Variants in TCF3 observed in about 807,000 individuals in gnomAD.
TCF3 encodes the protein transcription factor E2-alpha.
Under a neutral mutation model 72.3 loss-of-function variants are expected in TCF3, and 54 were observed. The ratio of observed to expected loss-of-function variants is 0.75; its 90% CI spans 0.60 to 0.94. The LOEUF (loss-of-function observed/expected upper bound fraction) is 0.94. Ranked by LOEUF, TCF3 falls within the 40% of genes least tolerant of loss-of-function variation. The pLI is 0.00. For synonymous variants in TCF3, 525 were observed against 412.6 expected (o/e 1.27, Z -3.30); for missense variants, 1,078 against 934.4 (o/e 1.15, Z -2.00).
chr19:1,634,253 A>G (rs1284176539), intron 3 of TCF3, among the ~76,000 whole-genome samples: 2 of 152,212 alleles, frequency 1.3e-5, no homozygotes, highest in Non-Finnish European at 2.9e-5. Flanking sequence ...ATAACCCACC[A>G]TGAATATTCA....
Position 1,615,131 on chromosome 19 carries a change from C to A in TCF3, c.1822+154G>T, listed in dbSNP as rs879629865. On this transcript the variant is annotated intron_variant, in intron 18 of 18. Coordinates refer to ENST00000262965, the MANE Select transcript of TCF3 (RefSeq NM_003200.5). This position sits in a 1 kb window ranked among gnomAD's most constrained non-coding sequence, Gnocchi z 7.3. ...TCAGGAGTGGACAGTCATGGCAATGCGGTCAGAGGGGTGAAGGGCACAGTC... is the reference window on the plus strand; with the variant it reads ...TCAGGAGTGGACAGTCATGGCAATGAGGTCAGAGGGGTGAAGGGCACAGTC... 6.6e-6 allele frequency among the ~76,000 whole-genome samples: 1 copy of A among 152,042 alleles called. No individual in the cohort carries two copies. Among genetic ancestry groups the A allele is most frequent in the Non-Finnish European group, 1.5e-5 (1 of 67,998 alleles).
intron 3 of TCF3, 106 bp downstream of exon 3, chr19:1,646,249 A>C: frequency 8.1e-7 from 1 of 1,241,014 alleles, no homozygotes; most frequent in Admixed American, 2.2e-5. Context: ...CCCTTTCCCC[A>C]TTGTCTCCCT....
chr19:1,612,053 G>C (rs1361929454), intron 18 of TCF3, among the ~76,000 whole-genome samples: 1 of 152,088 alleles, frequency 6.6e-6, no homozygotes, highest in Non-Finnish European at 1.5e-5. Flanking sequence ...GTGGGTATCA[G>C]GGGGTGTCTG....
intron 8 of TCF3, among the ~76,000 whole-genome samples, chr19:1,623,381 GCT>G (rs2062489143): frequency 6.9e-6 from 1 of 144,842 alleles, no homozygotes; most frequent in Non-Finnish European, 1.5e-5. Flanking sequence ...GGCACCCCCC[GCT>G]TTTTTTTTTT....
At chr19:1,641,711 C>T (rs2065269038) in intron 3 of TCF3, among the ~76,000 whole-genome samples, 1 of 152,116 alleles carries the variant, frequency 6.6e-6, no homozygotes, top group Non-Finnish European at 1.5e-5. Flanking sequence ...CCCTGGCTTC[C>T]CAAAATGCTG....
intron 5 of TCF3, among the ~76,000 whole-genome samples, chr19:1,629,896 T>C (rs985746103): frequency 6.6e-6 from 1 of 152,074 alleles, no homozygotes; most frequent in Non-Finnish European, 1.5e-5. Flanking sequence ...CGGGGGGACA[T>C]GGGGAAGATG....
rs374199541 is a variant in TCF3, at chr19:1,619,173, G to A, written c.1388C>T (p.Ala463Val). 67 of 1,600,296 alleles carry A rather than the reference G, an allele frequency of 4.2e-5. No homozygotes were observed. Among genetic ancestry groups the A allele is most frequent in the South Asian group, 2.7e-4 (25 of 91,044 alleles). ...GGTGCCTGGCTGGCTGGGGAGGGCC[G>A]CGTGGTTGTGCATGAGGCTGGTGCT... ...AGSTSLMHNH[A>V]ALPSQPGTLP... is the part of the protein sequence containing the mutation. Residue 463 changes from alanine (A) to valine (V), a missense_variant, in exon 16 of 19, where the codon GCG becomes GTG. Physicochemically the swap from Ala to Val is moderately conservative, Grantham distance 64. Transcript: ENST00000262965.
At chr19:1,623,754 C>G (rs2062545248) in intron 8 of TCF3, among the ~76,000 whole-genome samples, 197 bp downstream of exon 8, 1 of 152,172 alleles carries the variant, frequency 6.6e-6, no homozygotes. Context: ...CAGACAGAGG[C>G]TGGACCTAGG....
rs2146137895 is a variant in TCF3 at position 1,622,220 on chromosome 19, C to A, written c.656G>T (p.Gly219Val). 6.5e-7 allele frequency: 1 copy of A among 1,546,874 alleles called. No individual in the cohort carries two copies. Among genetic ancestry groups the A allele is most frequent in the Non-Finnish European group, 8.7e-7 (1 of 1,147,322 alleles). The change falls in exon 10 of 19, where the codon GGC (glycine) becomes GTC (valine). Residue 219 changes from glycine (G) to valine (V), a missense_variant. Coordinates refer to ENST00000262965, the MANE Select transcript of TCF3 (RefSeq NM_003200.5). ...TYPAPFYVAD[G>V]SLHPSAELWS... ...GAGCTCGGCTGAGGGGTGCAGGCTG[C>A]CATCTGTGGAGGGGAGCTGGTAAGG... is the stretch of plus-strand genomic sequence containing the variant.
In TCF3 at chr19:1,620,959, C is replaced by T. The variant is rs1449961410; in HGVS notation, c.1093+9G>A. On this transcript the variant is annotated intron_variant, in intron 13 of 18. Coordinates refer to ENST00000262965, the MANE Select transcript of TCF3 (RefSeq NM_003200.5). ...CTCAGCCTCCCCTCCCCCCAAAACC[C>T]TCACAGACCTGCCAGGCCCTGGGGG... 11 of 1,487,248 alleles carry T rather than the reference C, an allele frequency of 7.4e-6. No individual in the cohort carries two copies. Among genetic ancestry groups the T allele is most frequent in the Non-Finnish European group, 5.4e-6 (6 of 1,120,448 alleles). 92.1% of individuals were successfully genotyped at this position (1,487,248 alleles called of 1,614,324 possible).
chr19:1,620,925 C>T (rs1465122068), intron 13 of TCF3, 43 bp downstream of exon 13: 14 of 1,437,928 alleles, frequency 9.7e-6, no homozygotes, highest in Admixed American at 3.1e-5. Context: ...CCCCCAAACC[C>T]TCACAGACCT....
intron 2 of TCF3, among the ~76,000 whole-genome samples, chr19:1,647,967 G>A (rs771916052): frequency 5.9e-5 from 9 of 152,104 alleles, no homozygotes; most frequent in South Asian, 2.1e-4. Flanking sequence ...CAACAGCCTC[G>A]GTCCTAGGGA....
intron 14 of TCF3, 130 bp downstream of exon 14, chr19:1,619,650 G>T: frequency 8.0e-7 from 1 of 1,256,410 alleles, no homozygotes; most frequent in South Asian, 1.4e-5. Flanking sequence ...TGCCTTGGCG[G>T]CCACGAGGCC....
At chr19:1,643,609 G>C (rs139476530) in intron 3 of TCF3, among the ~76,000 whole-genome samples, 1 of 151,950 alleles carries the variant, frequency 6.6e-6, no homozygotes, top group Non-Finnish European at 1.5e-5. Context: ...TTGACCTCCT[G>C]GCCTCAAGCG....
chr19:1,612,108 AC>A, intron 18 of TCF3: 1 of 1,261,706 alleles, frequency 7.9e-7, no homozygotes, highest in Non-Finnish European at 1.1e-6. Flanking sequence ...ACAGACATGG[AC>A]AGAGTCCGGG....
chr19:1,625,490 G>T, intron 7 of TCF3, 86 bp downstream of exon 7: 21 of 1,423,460 alleles, frequency 1.5e-5, no homozygotes, highest in Non-Finnish European at 1.9e-5. Flanking sequence ...GCTCCCTCTG[G>T]TGCCCTCAGC....
At chr19:1,619,745 G>A (rs776735908) in intron 14 of TCF3, 35 bp downstream of exon 14, 31 of 1,395,438 alleles carry the variant, frequency 2.2e-5, no homozygotes, top group South Asian at 6.3e-5. Flanking sequence ...AAATTCTGTC[G>A]GGGAAGGGTG....
chr19:1,648,966 C>G (rs1006944195), intron 2 of TCF3, among the ~76,000 whole-genome samples: 2 of 152,210 alleles, frequency 1.3e-5, no homozygotes, highest in African/African-American at 2.4e-5. Flanking sequence ...CAGCACCCGT[C>G]AGCGGCCGGT....
chr19:1,630,304 C>T (rs1211924848), intron 5 of TCF3, among the ~76,000 whole-genome samples: 5 of 152,192 alleles, frequency 3.3e-5, no homozygotes, highest in Non-Finnish European at 7.4e-5. Flanking sequence ...GGGCAGAAAT[C>T]GCCCGTGGCA....
Sources: gnomAD v4.1 joint callset for allele counts (sites outside exome capture counted in the v4.1 genomes callset) on GRCh38, gnomAD v4.1.1 for gene constraint, Gnocchi (gnomAD v3.1) non-coding constraint, MANE v1.5 for transcripts, NCBI Gene and HGNC (gene_info 2026-07-23, HGNC 2026-07-21) for gene names.